The following FRMD1 variants were observed in gnomAD, a reference collection of about 807,000 sequenced individuals.
The protein encoded by FRMD1 is FERM domain containing 1, also known as FERM domain-containing protein 1.
In FRMD1, 51 loss-of-function variants were observed where a neutral mutation model predicts 54.9. The ratio of observed to expected loss-of-function variants is 0.93; its 90% CI spans 0.74 to 1.17. FRMD1 has a LOEUF of 1.17. Among genes scored for constraint, FRMD1 ranks in the 50% most tolerant of loss-of-function variants. The pLI is 0.00. For missense variants in FRMD1, 729 were observed against 743.0 expected, an observed-to-expected ratio of 0.98 and a Z score of 0.22; for synonymous variants, 324 against 306.4, an observed-to-expected ratio of 1.06 and a Z score of -0.60.
In FRMD1 at chr6:168,053,162, C is replaced by CCGCG. The variant is rs1386546592; in HGVS notation, c.*3934_*3935insCGCG. ...CAATTAACCCGCGCCATTTTCCCCA[C>CCGCG]TGCGTGTTCACCTCTTCACGCGCCT... On this transcript the variant is annotated 3_prime_UTR_variant, in exon 11 of 11. Coordinates refer to ENST00000283309, the MANE Select transcript of FRMD1 (RefSeq NM_024919.6). 7 of 34,204 alleles carry CCGCG rather than the reference C, an allele frequency of 2.0e-4. No individual in the cohort carries two copies. In the East Asian group the frequency reaches 2.3e-3, roughly 11 times the overall value. 2.1% of individuals were successfully genotyped at this position (34,204 alleles called of 1,614,324 possible). A position where few individuals can be genotyped will look rare whatever the true frequency, so the allele number is the denominator to read the frequency against.
At chr6:168,066,994 C>A in intron 3 of FRMD1, 163 bp from the exon 4 acceptor site, 1 of 925,036 alleles carries the variant, frequency 1.1e-6, no homozygotes, top group South Asian at 1.5e-5. Context: ...GTATTTTCTA[C>A]CCGGAGAACC....
At position 168,079,041 on chromosome 6, in the gene FRMD1, G is replaced by T. The variant is rs758247142; in HGVS notation, c.54C>A (p.Asp18Glu). The T allele has an allele frequency of 5.0e-6, 8 of 1,611,186 alleles. No homozygotes were observed. The highest frequency in any genetic ancestry group is 8.5e-7 in the Non-Finnish European group (1 of 1,179,952). ...RGIDPARTNP[D>E]TFPPSGARCM... ...ATCGCGCCCCTGAAGGAGGGAACGT[G>T]TCAGGGTTTGTCCGGGCGGGGTCTA... is the stretch of plus-strand genomic sequence containing the variant. Residue 18 changes from aspartate to glutamate, a missense_variant, in exon 1 of 11, where the codon GAC becomes GAA. Asp to Glu is a conservative substitution (Grantham distance 45). Transcript: ENST00000283309.
At chr6:168,058,993 C>T (rs1799568152) in intron 10 of FRMD1, 131 bp downstream of exon 10, 8 of 681,892 alleles carry the variant, frequency 1.2e-5, no homozygotes, top group South Asian at 5.7e-5. Context: ...TTGCCCGCTG[C>T]GTCTCTGGGG....
intron 1 of FRMD1, among the ~76,000 whole-genome samples, chr6:168,077,697 T>C (rs1800659984): frequency 6.6e-6 from 1 of 152,218 alleles, no homozygotes; most frequent in Non-Finnish European, 1.5e-5. Context: ...GTTCACTATG[T>C]TCTAGCTGCA....
intron 2 of FRMD1, among the ~76,000 whole-genome samples, chr6:168,069,694 T>A (rs1186889198): frequency 6.6e-6 from 1 of 152,172 alleles, no homozygotes; most frequent in Non-Finnish European, 1.5e-5. Context: ...GCTTAGTACT[T>A]CCTAGGACTT....
intron 2 of FRMD1, among the ~76,000 whole-genome samples, chr6:168,070,571 C>T (rs1411907832): frequency 1.3e-5 from 2 of 152,146 alleles, no homozygotes; most frequent in Non-Finnish European, 2.9e-5. Context: ...CAGTGGCTCT[C>T]CCTGGGTCTC....
At chr6:168,077,494 A>C (rs1486618524) in intron 1 of FRMD1, among the ~76,000 whole-genome samples, 9 of 145,636 alleles carry the variant, frequency 6.2e-5, no homozygotes, top group Non-Finnish European at 1.2e-4. Context: ...GTCTAACTGC[A>C]GACATAGATG....
At chr6:168,074,151 C>T (rs912865722) in intron 2 of FRMD1, among the ~76,000 whole-genome samples, 3 of 152,108 alleles carry the variant, frequency 2.0e-5, no homozygotes, top group African/African-American at 4.8e-5. Flanking sequence ...GCACATGAAG[C>T]ACTTTGGGTT....
upstream of FRMD1, chr6:168,081,476 A>G: frequency 6.5e-7 from 1 of 1,535,568 alleles, no homozygotes; most frequent in Non-Finnish European, 8.7e-7. Context: ...AGATCTCCTC[A>G]TGGCTGAGCC....
chr6:168,068,441 C>T lies in FRMD1; in HGVS notation c.305-995G>A, dbSNP rs12205940. On this transcript the variant is annotated intron_variant, in intron 2 of 10. Coordinates refer to ENST00000283309, the MANE Select transcript of FRMD1 (RefSeq NM_024919.6). ...AGGACTCCCCTCGGATATCAAAACC[C>T]GGGGATGGTGTAGAGTTTGCATGTA... 3.9e-5 allele frequency among the ~76,000 whole-genome samples: 6 copies of T among 152,194 alleles called. No individual in the cohort carries two copies. In the South Asian group the frequency reaches 8.3e-4, roughly 21 times the overall value.
upstream of FRMD1, among the ~76,000 whole-genome samples, chr6:168,079,961 C>G (rs555335283): frequency 5.9e-4 from 90 of 152,276 alleles, 2 homozygotes; most frequent in Middle Eastern, 3.4e-3. Flanking sequence ...CCACCCAGAC[C>G]TTTGGGCGCT....
chr6:168,069,196 C>A (rs556646883), intron 2 of FRMD1, among the ~76,000 whole-genome samples: 3 of 152,300 alleles, frequency 2.0e-5, no homozygotes, highest in South Asian at 2.1e-4. Context: ...GGAGTCCCCA[C>A]CCCACCCCAT....
chr6:168,062,851 G>A, intron 7 of FRMD1, 43 bp downstream of exon 7: 1 of 1,603,580 alleles, frequency 6.2e-7, no homozygotes, highest in Non-Finnish European at 8.5e-7. Flanking sequence ...AGGGGGTGGG[G>A]GCAGGACGAG....
Position 168,079,190 on chromosome 6 carries a change from A to G in FRMD1, c.-96T>C. 7.0e-7 allele frequency: 1 copy of G among 1,421,640 alleles called. No homozygotes were observed. Among genetic ancestry groups the G allele is most frequent in the Non-Finnish European group, 9.2e-7 (1 of 1,088,158 alleles). 88.1% of individuals were successfully genotyped at this position (1,421,640 alleles called of 1,614,324 possible). On this transcript the variant is annotated 5_prime_UTR_variant, in exon 1 of 11. Transcript: ENST00000283309. ...TGCTTTCCGGGACCCGCCCTTGCCG[A>G]GCTTCTCACTGGGAAGGGAATTGAG... is the stretch of plus-strand genomic sequence containing the variant.
At chr6:168,070,482 G>A (rs1476264264) in intron 2 of FRMD1, among the ~76,000 whole-genome samples, 2 of 152,052 alleles carry the variant, frequency 1.3e-5, no homozygotes, top group African/African-American at 4.8e-5. Context: ...GTCGGTTGGA[G>A]GACTAACAGG....
At chr6:168,058,123 C>G (rs760872459) in intron 10 of FRMD1, among the ~76,000 whole-genome samples, 5 of 152,190 alleles carry the variant, frequency 3.3e-5, no homozygotes, top group African/African-American at 1.2e-4. Context: ...TTGCAGCCTC[C>G]CCTCCCTCCT....
At chr6:168,063,009 C>G in intron 6 of FRMD1, 50 bp from the exon 7 acceptor site, 1 of 1,497,310 alleles carries the variant, frequency 6.7e-7, no homozygotes, top group Non-Finnish European at 9.3e-7. Context: ...GGTGCTGGGC[C>G]TCACTGATGG....
At chr6:168,061,572 C>T (rs1316008940) in intron 8 of FRMD1, among the ~76,000 whole-genome samples, 2 of 152,230 alleles carry the variant, frequency 1.3e-5, no homozygotes, top group Non-Finnish European at 2.9e-5. Context: ...AAGTGGAAAC[C>T]TCAGGTGGCT....
rs200270905 is a variant in FRMD1 at position 168,061,000 on chromosome 6, C to T, written c.1103G>A (p.Ser368Asn). 1.9e-6 allele frequency: 3 copies of T among 1,613,156 alleles called. No homozygotes were observed. In the South Asian group the frequency reaches 3.3e-5, roughly 18 times the overall value. Residue 368 changes from serine (S) to asparagine (N), a missense_variant, in exon 9 of 11, where the codon AGC becomes AAC. Coordinates refer to ENST00000283309, the MANE Select transcript of FRMD1 (RefSeq NM_024919.6). The stretch of plus-strand genomic sequence containing the variant: ...GACCCCACTGCCCGGGAAGCTCCTG[C>T]TGGCCAGGTCCAGCTCCAGCTCATC... The part of the protein sequence containing the change: ...ISDELELDLA[S>N]RSFPGSGVSS...
Sources: gnomAD v4.1 joint callset for allele counts (sites outside exome capture counted in the v4.1 genomes callset) on GRCh38, gnomAD v4.1.1 for gene constraint, MANE v1.5 for transcripts, NCBI Gene and HGNC (gene_info 2026-07-23, HGNC 2026-07-21) for gene names.